PGCKA1: variants seen among roughly 807,000 people sequenced by gnomAD.
PGCKA1 encodes PDCD10 and GCKIII kinases-associated protein 1.
chr4:37,462,811 A>G, the PGCKA1 span, among the ~76,000 whole-genome samples: 1 of 151,908 alleles, frequency 6.6e-6, no homozygotes, highest in Non-Finnish European at 1.5e-5. Context: ...TGGCTAACAC[A>G]GTGAAACCCC....
the PGCKA1 span, among the ~76,000 whole-genome samples, chr4:37,522,496 G>A: frequency 4.6e-5 from 7 of 152,122 alleles, no homozygotes; most frequent in Middle Eastern, 3.4e-3. Flanking sequence ...GTATGGCCCC[G>A]CACAGGATCA....
chr4:37,551,576 G>T, the PGCKA1 span, among the ~76,000 whole-genome samples: 1 of 152,220 alleles, frequency 6.6e-6, no homozygotes, highest in Non-Finnish European at 1.5e-5. Context: ...TGAAAGAGAG[G>T]TCTATAAGAA....
the PGCKA1 span, among the ~76,000 whole-genome samples, chr4:37,512,028 G>A: frequency 3.1e-4 from 47 of 152,324 alleles, no homozygotes; most frequent in African/African-American, 1.1e-3. Flanking sequence ...TGAGTTCAGT[G>A]CAAAGCCCCA....
At chr4:37,592,926 T>A in the PGCKA1 span, among the ~76,000 whole-genome samples, 1 of 152,242 alleles carries the variant, frequency 6.6e-6, no homozygotes, top group Admixed American at 6.5e-5. Context: ...TGTCATTATT[T>A]GACTTTGGCA....
At chr4:37,545,374 T>C in the PGCKA1 span, among the ~76,000 whole-genome samples, 1 of 152,184 alleles carries the variant, frequency 6.6e-6, no homozygotes, top group Admixed American at 6.5e-5. Flanking sequence ...TGTTTCACCC[T>C]TTCCTGACAC....
At chr4:37,455,013 G>C in the PGCKA1 span, among the ~76,000 whole-genome samples, 1 of 152,202 alleles carries the variant, frequency 6.6e-6, no homozygotes, top group East Asian at 1.9e-4. Flanking sequence ...TTATGGGAAA[G>C]AATTACGGAT....
At chr4:37,463,953 C>T in the PGCKA1 span, among the ~76,000 whole-genome samples, 1 of 152,090 alleles carries the variant, frequency 6.6e-6, no homozygotes, top group Non-Finnish European at 1.5e-5. Context: ...ACGGCTGGAG[C>T]ACATCGCAGG....
the PGCKA1 span, among the ~76,000 whole-genome samples, chr4:37,553,700 T>C: frequency 6.6e-6 from 1 of 152,208 alleles, no homozygotes. Context: ...TTAGAATCGA[T>C]AAAATGTGAG....
At chr4:37,580,450 A>C in the PGCKA1 span, among the ~76,000 whole-genome samples, 1 of 151,316 alleles carries the variant, frequency 6.6e-6, no homozygotes, top group Non-Finnish European at 1.5e-5. Flanking sequence ...ATTCGAAGGG[A>C]CTTGTGTGTT....
the PGCKA1 span, among the ~76,000 whole-genome samples, chr4:37,571,355 C>CT: frequency 0.039 from 3,035 of 78,074 alleles, 396 homozygotes; most frequent in African/African-American, 0.043. Flanking sequence ...GACTATTATC[C>CT]TTTTTTTTTT....
chr4:37,497,494 C>T, the PGCKA1 span, among the ~76,000 whole-genome samples: 4 of 152,274 alleles, frequency 2.6e-5, no homozygotes, highest in African/African-American at 7.2e-5. Context: ...TACATTCCCA[C>T]CAGCAGTGTA....
At chr4:37,539,972 TATAAG>T in the PGCKA1 span, among the ~76,000 whole-genome samples, 937 of 152,270 alleles carry the variant, frequency 6.2e-3, 35 homozygotes, top group East Asian at 0.071. Context: ...CTAAATATTT[TATAAG>T]ATACTACACC....
the PGCKA1 span, among the ~76,000 whole-genome samples, chr4:37,578,955 G>C: frequency 6.6e-6 from 1 of 152,140 alleles, no homozygotes; most frequent in East Asian, 1.9e-4. Context: ...CTATTCGGGA[G>C]GCTGAGGCAG....
the PGCKA1 span, among the ~76,000 whole-genome samples, chr4:37,571,784 G>A: frequency 6.6e-6 from 1 of 151,830 alleles, no homozygotes; most frequent in Non-Finnish European, 1.5e-5. Flanking sequence ...TGATCTGCCC[G>A]CCTCAGCCTC....
the PGCKA1 span, among the ~76,000 whole-genome samples, chr4:37,490,324 G>A: frequency 6.6e-6 from 1 of 151,942 alleles, no homozygotes; most frequent in Non-Finnish European, 1.5e-5. Flanking sequence ...TAATCAACCC[G>A]GCATTTTTCT....
At chr4:37,527,664 C>CAAA in the PGCKA1 span, among the ~76,000 whole-genome samples, 10 of 133,662 alleles carry the variant, frequency 7.5e-5, no homozygotes, top group African/African-American at 2.5e-4. Flanking sequence ...CTAAAAAATA[C>CAAA]AAAAAAAAAA....
chr4:37,590,040 C>A, the PGCKA1 span: 1 of 1,353,984 alleles, frequency 7.4e-7, no homozygotes, highest in Non-Finnish European at 1.0e-6. Flanking sequence ...TGGTAAAAAG[C>A]ATTAATGATG....
At chr4:37,566,738 A>C in the PGCKA1 span, among the ~76,000 whole-genome samples, 3 of 151,828 alleles carry the variant, frequency 2.0e-5, 1 homozygote, top group Non-Finnish European at 4.4e-5. Flanking sequence ...GCACCACCAC[A>C]CCCAGCTAAT....
chr4:37,590,228 G>A, the PGCKA1 span: 2 of 1,614,236 alleles, frequency 1.2e-6, no homozygotes, highest in Admixed American at 1.7e-5. Flanking sequence ...GACCCTCAGA[G>A]GCAGGGCTCA....
Sources: allele counts gnomAD v4.1 joint callset (sites outside exome capture counted in the v4.1 genomes callset), GRCh38; gene constraint gnomAD v4.1.1; transcripts MANE v1.5; gene names NCBI Gene and HGNC (gene_info 2026-07-23, HGNC 2026-07-21).